PRTG: variants seen among roughly 807,000 people sequenced by gnomAD.
PRTG encodes immunoglobulin superfamily, DCC subclass, member 5.
A neutral mutation model predicts 122.5 loss-of-function variants in PRTG; 67 were observed. The ratio of observed to expected loss-of-function variants is 0.55; its 90% CI spans 0.45 to 0.67. PRTG has a LOEUF of 0.67. Ranked by LOEUF, PRTG falls within the 30% of genes least tolerant of loss-of-function variation. The pLI is 0.00. For missense variants in PRTG, 1,435 were observed against 1,415.4 expected (o/e 1.01, Z -0.22); for synonymous variants, 554 against 501.1 (o/e 1.11, Z -1.41).
chr15:55,646,602 G>A (rs762362256), intron 11 of PRTG, among the ~76,000 whole-genome samples: 10 of 152,138 alleles, frequency 6.6e-5, no homozygotes, highest in Non-Finnish European at 1.3e-4. Context: ...GATTACAGGC[G>A]TGAGCCACTG....
At chr15:55,686,591 T>C in intron 2 of PRTG, among the ~76,000 whole-genome samples, 1 of 152,200 alleles carries the variant, frequency 6.6e-6, no homozygotes, top group East Asian at 1.9e-4. Flanking sequence ...ATATCCTGTC[T>C]AGATGTCTTT....
intron 2 of PRTG, among the ~76,000 whole-genome samples, chr15:55,737,815 T>C (rs1174255856): frequency 6.6e-6 from 1 of 151,948 alleles, no homozygotes; most frequent in Non-Finnish European, 1.5e-5. Flanking sequence ...TTCCAGGTGC[T>C]GTACTATTGT....
At chr15:55,677,429 A>G (rs1208501152) in intron 8 of PRTG, among the ~76,000 whole-genome samples, 2 of 152,184 alleles carry the variant, frequency 1.3e-5, no homozygotes, top group Non-Finnish European at 2.9e-5. Context: ...TAAACAGTCA[A>G]ACCACTGTTC....
intron 11 of PRTG, among the ~76,000 whole-genome samples, chr15:55,669,777 T>C (rs1444537526): frequency 6.6e-6 from 1 of 152,214 alleles, no homozygotes; most frequent in African/African-American, 2.4e-5. Context: ...GAACCTGCTG[T>C]CTAACAAGAA....
chr15:55,669,286 T>C (rs2059455338), intron 11 of PRTG, among the ~76,000 whole-genome samples: 2 of 152,228 alleles, frequency 1.3e-5, no homozygotes, highest in African/African-American at 4.8e-5. Context: ...ATTTAAATTT[T>C]ATTTCCAAGC....
chr15:55,691,538 G>C (rs958865004), intron 2 of PRTG, among the ~76,000 whole-genome samples: 1 of 151,464 alleles, frequency 6.6e-6, no homozygotes. Flanking sequence ...AAAATTAGCC[G>C]GGCATGGTGG....
intron 2 of PRTG, among the ~76,000 whole-genome samples, chr15:55,704,350 T>C (rs1316265096): frequency 1.3e-5 from 2 of 152,170 alleles, no homozygotes; most frequent in African/African-American, 4.8e-5. Context: ...ACTTAGCAAC[T>C]TCATCTGTGC....
chr15:55,726,420 A>C (rs2031031884), intron 2 of PRTG, among the ~76,000 whole-genome samples: 1 of 152,164 alleles, frequency 6.6e-6, no homozygotes, highest in African/African-American at 2.4e-5. Flanking sequence ...GATAGAATGG[A>C]AAAAGGTATT....
rs761985232 is a variant in PRTG, at chr15:55,680,075, T to C, written c.952A>G (p.Met318Val). Reference protein sequence around the residue: ...TPGTRNFTVAMATLTVLAPPS... With the variant: ...TPGTRNFTVAVATLTVLAPPS... ...ATACCTAATACAGTTAAAGTTGCCATAGCAACTGTAAAGTTGCGTGTGCCA... is the reference window on the plus strand; with the variant it reads ...ATACCTAATACAGTTAAAGTTGCCACAGCAACTGTAAAGTTGCGTGTGCCA... The change falls in exon 6 of 20, where the codon ATG becomes GTG. Residue 318 changes from methionine to valine, a missense_variant. Coordinates refer to ENST00000389286, the MANE Select transcript of PRTG (RefSeq NM_173814.6). 3.7e-6 allele frequency: 6 copies of C among 1,613,642 alleles called. No homozygotes were observed. Among genetic ancestry groups the C allele is most frequent in the African/African-American group, 2.7e-5 (2 of 74,916 alleles).
chr15:55,652,898 G>T (rs2059360638), intron 11 of PRTG, among the ~76,000 whole-genome samples: 1 of 151,922 alleles, frequency 6.6e-6, no homozygotes, highest in Non-Finnish European at 1.5e-5. Context: ...AATGGAAAAC[G>T]TTAATTCATG....
chr15:55,733,207 CA>C (rs764157545), intron 2 of PRTG, among the ~76,000 whole-genome samples: 8 of 151,826 alleles, frequency 5.3e-5, no homozygotes, highest in African/African-American at 1.9e-4. Flanking sequence ...GACTCTGTCT[CA>C]AAAAATAGTA....
At chr15:55,629,224 T>C (rs2059212046) in intron 15 of PRTG, among the ~76,000 whole-genome samples, 2 of 152,208 alleles carry the variant, frequency 1.3e-5, no homozygotes, top group South Asian at 2.1e-4. Flanking sequence ...TTTGTGAATA[T>C]ATATTTACTG....
At chr15:55,708,148 T>TTAAAAAAA in intron 2 of PRTG, among the ~76,000 whole-genome samples, 1 of 70,034 alleles carries the variant, frequency 1.4e-5, no homozygotes, top group East Asian at 2.4e-4. Flanking sequence ...AGTAAGCTGG[T>TTAAAAAAA]AAAAAAAAAA....
intron 2 of PRTG, among the ~76,000 whole-genome samples, chr15:55,726,065 T>G (rs1446959873): frequency 6.6e-6 from 1 of 152,098 alleles, no homozygotes; most frequent in Non-Finnish European, 1.5e-5. Context: ...TGCCTCAGCC[T>G]CCCAAGTAGT....
intron 12 of PRTG, among the ~76,000 whole-genome samples, chr15:55,640,835 AC>A (rs775093178): frequency 2.7e-5 from 4 of 148,320 alleles, no homozygotes; most frequent in Non-Finnish European, 5.9e-5. Flanking sequence ...CATGGTGAAA[AC>A]CCCGTCTCTA....
chr15:55,733,699 T>C (rs1180844059), intron 2 of PRTG, among the ~76,000 whole-genome samples: 7 of 151,950 alleles, frequency 4.6e-5, no homozygotes, highest in Non-Finnish European at 1.0e-4. Context: ...TGGCGGCACG[T>C]GCCTGTAGCT....
chr15:55,677,949 A>G lies in PRTG; in HGVS notation c.1229T>C (p.Leu410Pro). 2.5e-6 allele frequency: 4 copies of G among 1,613,726 alleles called. No homozygotes were observed. Among genetic ancestry groups the G allele is most frequent in the Non-Finnish European group, 3.4e-6 (4 of 1,179,704 alleles). The change falls in exon 8 of 20, where the codon CTG becomes CCG. Residue 410 changes from leucine (L) to proline (P), a missense_variant. Coordinates refer to ENST00000389286, the MANE Select transcript of PRTG (RefSeq NM_173814.6). ...TCTGTCTTCTGACATCACTACAGTC[A>G]GTCTGGCTCTAGATAAAATAGATCC... ...SQGSILSRAR[L>P]TVVMSEDRPS...
At chr15:55,629,371 ATATATGTGTG>A (rs1476802553) in intron 15 of PRTG, among the ~76,000 whole-genome samples, 300 of 35,412 alleles carry the variant, frequency 8.5e-3, no homozygotes, top group South Asian at 0.019. Context: ...ATATATATAT[ATATATGTGTG>A]TGTGTGTGTG....
chr15:55,672,411 G>C (rs2059477365), intron 11 of PRTG, 34 bp downstream of exon 11: 5 of 1,546,500 alleles, frequency 3.2e-6, no homozygotes, highest in Non-Finnish European at 4.4e-6. Context: ...AGAGAGGAAG[G>C]AAAAAGGGAA....
Sources: allele counts gnomAD v4.1 joint callset (sites outside exome capture counted in the v4.1 genomes callset), GRCh38; gene constraint gnomAD v4.1.1; transcripts MANE v1.5; gene names NCBI Gene and HGNC (gene_info 2026-07-23, HGNC 2026-07-21).